The following NPL variants were observed in gnomAD, a reference collection of about 807,000 sequenced individuals.
NPL encodes N-acetylneuraminate lyase.
A neutral mutation model predicts 41.1 loss-of-function variants in NPL; 32 were observed. That is an observed-to-expected ratio of 0.78 (90% confidence interval 0.59 to 1.05). The LOEUF is 1.05. Among genes scored for constraint, NPL ranks in the 50% least tolerant of loss-of-function variants. The probability of loss-of-function intolerance (pLI) is 0.00; values close to 1 mark genes in which losing one functional copy is unlikely to be tolerated. For synonymous variants in NPL, 128 were observed against 134.9 expected, an observed-to-expected ratio of 0.95 and a Z score of 0.35; for missense variants, 321 against 378.4, an observed-to-expected ratio of 0.85 and a Z score of 1.26.
rs752401844 is a variant in NPL at position 182,818,823 on chromosome 1, GTGCTC to G, written c.620_624del (p.Ala207GlyfsTer13). The G allele has an allele frequency of 1.4e-5, 22 of 1,614,100 alleles. No individual in the cohort carries two copies. Among genetic ancestry groups the G allele is most frequent in the Non-Finnish European group, 1.9e-5 (22 of 1,179,996 alleles). ...TTTGTTTCTGATTAGCAACTGTTGA[GTGCTC>G]TGGTGATGGGAGCAACTGGAGCAGT... On this transcript the variant is annotated frameshift_variant, in exon 10 of 13. Coordinates refer to ENST00000367553, the MANE Select transcript of NPL (RefSeq NM_030769.3). LOFTEE classifies it high-confidence loss of function.
chr1:182,808,186 G>A lies in NPL; in HGVS notation c.230+1954G>A, dbSNP rs187793572. Among the ~76,000 whole-genome samples, 70 of 152,282 alleles carry A rather than the reference G, an allele frequency of 4.6e-4. 1 individual carries two copies. The highest frequency in any genetic ancestry group is 6.8e-3 in the Middle Eastern group (2 of 294). On this transcript the variant is annotated intron_variant, in intron 5 of 12. Transcript: ENST00000367553. The stretch of plus-strand genomic sequence containing the variant: ...ATCTCACTTATGAGGTTGTAGTGAG[G>A]ATTAGAAAAGTGCCTGGCAGGCACA...
At chr1:182,810,598 T>C (rs1487435102) in intron 5 of NPL, among the ~76,000 whole-genome samples, 1 of 152,160 alleles carries the variant, frequency 6.6e-6, no homozygotes, top group Non-Finnish European at 1.5e-5. Flanking sequence ...TCCCTAGACA[T>C]TTTTTAAAAT....
rs745649272 is a variant in NPL, at chr1:182,828,784, C to T, written c.839C>T (p.Pro280Leu). ...CTGGTCTCTGGGATTCCAATGGGCCCACCCCGGCTTCCACTGCAGAAAGCC... is the reference window on the plus strand; with the variant it reads ...CTGGTCTCTGGGATTCCAATGGGCCTACCCCGGCTTCCACTGCAGAAAGCC... Reference protein sequence around the residue: ...MTLVSGIPMGPPRLPLQKASR... With the variant: ...MTLVSGIPMGLPRLPLQKASR... Residue 280 changes from proline (P) to leucine (L), a missense_variant, in exon 13 of 13, where the codon CCA (proline) becomes CTA (leucine). Coordinates refer to ENST00000367553, the MANE Select transcript of NPL (RefSeq NM_030769.3). The surrounding 1 kb of genome is among the most constrained non-coding windows in gnomAD (Gnocchi z 4.0). 6.2e-7 allele frequency: 1 copy of T among 1,614,150 alleles called. No individual in the cohort carries two copies. The highest frequency in any genetic ancestry group is 1.1e-5 in the South Asian group (1 of 91,086).
Position 182,790,549 on chromosome 1 carries a change from T to C in NPL, c.-72+744T>C, listed in dbSNP as rs915114613. Among the ~76,000 whole-genome samples, 8 of 152,376 alleles carry C rather than the reference T, an allele frequency of 5.3e-5. 1 individual carries two copies. The highest frequency in any genetic ancestry group is 3.9e-4 in the Admixed American group (6 of 15,310). On this transcript the variant is annotated intron_variant, in intron 1 of 12. Coordinates refer to ENST00000367553, the MANE Select transcript of NPL (RefSeq NM_030769.3). ...TAATTATCTGTTATGCTTCAAAGCA[T>C]AACATTCCCAAGTTTATTAAAAACT...
intron 12 of NPL, among the ~76,000 whole-genome samples, chr1:182,827,439 T>C (rs926064428): frequency 5.3e-5 from 8 of 152,220 alleles, no homozygotes; most frequent in Admixed American, 2.6e-4. Flanking sequence ...TTTACTCAAA[T>C]CTCTCATTCT....
intron 8 of NPL, among the ~76,000 whole-genome samples, chr1:182,817,419 C>A (rs967604397): frequency 9.8e-5 from 15 of 152,350 alleles, no homozygotes; most frequent in African/African-American, 3.6e-4. Flanking sequence ...CAACGCAAAA[C>A]ATTTTACCTC....
intron 5 of NPL, 79 bp downstream of exon 5, chr1:182,806,311 T>C: frequency 6.3e-7 from 1 of 1,592,174 alleles, no homozygotes. Flanking sequence ...GGATACGCCC[T>C]CCCTGCTTCC....
In NPL at chr1:182,829,483, A is replaced by AC. The variant is rs1263759435; in HGVS notation, c.*576dup. Reference sequence around the variant, plus strand: ...TGTCACCACTTTTCGCTCTTTAAAAACACTGGGTCAGGTGAGGACTTGTTT... The same window carrying AC: ...TGTCACCACTTTTCGCTCTTTAAAAACCACTGGGTCAGGTGAGGACTTGTTT... On this transcript the variant is annotated 3_prime_UTR_variant, in exon 13 of 13. Transcript: ENST00000367553. 2 of 1,470,148 alleles carry AC rather than the reference A, an allele frequency of 1.4e-6. No individual in the cohort carries two copies. The highest frequency in any genetic ancestry group is 2.9e-5 in the African/African-American group (2 of 69,980). 91.1% of individuals were successfully genotyped at this position (1,470,148 alleles called of 1,614,324 possible).
Position 182,818,679 on chromosome 1 carries a change from G to A in NPL, c.596G>A (p.Gly199Glu), listed in dbSNP as rs1667404516. 2 of 1,614,142 alleles carry A rather than the reference G, an allele frequency of 1.2e-6. No individual in the cohort carries two copies. The highest frequency in any genetic ancestry group is 1.7e-6 in the Non-Finnish European group (2 of 1,180,028). The change falls in exon 9 of 13, where the codon GGG becomes GAG. Residue 199 changes from glycine to glutamate, a missense_variant. By Grantham distance (98) the Gly-to-Glu change is moderately conservative. Coordinates refer to ENST00000367553, the MANE Select transcript of NPL (RefSeq NM_030769.3). ...CAGCAACAGTTTGCTTTCCTTTTTG[G>A]GGTGGATGAGGTAAGTCACCCCCTA... is the stretch of plus-strand genomic sequence containing the variant. ...NRQQQFAFLF[G>E]VDEQLLSALV...
chr1:182,826,282 A>G (rs2102571139), intron 12 of NPL: 1 of 175,066 alleles, frequency 5.7e-6, no homozygotes, highest in South Asian at 1.4e-4. Flanking sequence ...ATAATATGAC[A>G]AAGTAAAATT....
At position 182,794,363 on chromosome 1, in the gene NPL, A is replaced by T; in HGVS notation, c.-9A>T. ...ACATTGTATGTTTTCCAGACCTACC[A>T]GCAGCTCAATGGCCTTCCCAAAGAA... On this transcript the variant is annotated 5_prime_UTR_variant, in exon 3 of 13. Coordinates refer to ENST00000367553, the MANE Select transcript of NPL (RefSeq NM_030769.3). The T allele has an allele frequency of 6.2e-7, 1 of 1,613,974 alleles. No individual in the cohort carries two copies. Among genetic ancestry groups the T allele is most frequent in the Non-Finnish European group, 8.5e-7 (1 of 1,179,790 alleles).
intron 8 of NPL, among the ~76,000 whole-genome samples, chr1:182,817,935 GGC>G (rs953140236): frequency 1.8e-4 from 27 of 152,032 alleles, no homozygotes; most frequent in African/African-American, 6.5e-4. Flanking sequence ...GTACCTCATT[GGC>G]CATGGGTGAT....
intron 3 of NPL, among the ~76,000 whole-genome samples, chr1:182,798,216 G>A (rs1666730476): frequency 6.7e-6 from 1 of 149,476 alleles, no homozygotes; most frequent in Non-Finnish European, 1.5e-5. Flanking sequence ...ACACTAGTAA[G>A]TCTAATGAAA....
intron 5 of NPL, 154 bp downstream of exon 5, chr1:182,806,386 T>G: frequency 6.5e-7 from 1 of 1,545,154 alleles, no homozygotes; most frequent in Non-Finnish European, 8.7e-7. Flanking sequence ...GATCCTGGCT[T>G]CTTGGAGAAG....
intron 4 of NPL, among the ~76,000 whole-genome samples, chr1:182,804,481 T>C (rs1012282512): frequency 6.6e-6 from 1 of 152,184 alleles, no homozygotes; most frequent in African/African-American, 2.4e-5. Context: ...CCTTTCAAAT[T>C]GTGAATGGAA....
At position 182,818,878 on chromosome 1, in the gene NPL, TC is replaced by T. The variant is rs770321209; in HGVS notation, c.653+22del. 2 of 1,612,402 alleles carry T rather than the reference TC, an allele frequency of 1.2e-6. No individual in the cohort carries two copies. Among genetic ancestry groups the T allele is most frequent in the African/African-American group, 2.7e-5 (2 of 75,000 alleles). ...TGGGCAGGTAAGCATGACTCATTTT[TC>T]CCAGTGGTTATAAAGTCCCCCATAA... On this transcript the variant is annotated intron_variant, in intron 10 of 12. Coordinates refer to ENST00000367553, the MANE Select transcript of NPL (RefSeq NM_030769.3).
Position 182,829,912 on chromosome 1 carries a change from C to T in NPL, c.*1004C>T. On this transcript the variant is annotated 3_prime_UTR_variant, in exon 13 of 13. Coordinates refer to ENST00000367553, the MANE Select transcript of NPL (RefSeq NM_030769.3). ...AACAACTGTTTAATCTCCCTTCTAA[C>T]AAACCTTGATATAAGCTTTCTGATA... The T allele has an allele frequency of 2.6e-6, 1 of 383,100 alleles. No homozygotes were observed. Among genetic ancestry groups the T allele is most frequent in the East Asian group, 4.0e-5 (1 of 24,706 alleles). 23.7% of individuals were successfully genotyped at this position (383,100 alleles called of 1,614,324 possible).
In NPL at chr1:182,828,446, C is replaced by A. The variant is rs923044099; in HGVS notation, c.779-278C>A. On this transcript the variant is annotated intron_variant, in intron 12 of 12. Transcript: ENST00000367553. The surrounding 1 kb of genome is among the most constrained non-coding windows in gnomAD (Gnocchi z 4.0). The stretch of plus-strand genomic sequence containing the variant: ...CCTTCTGACCTCTTTATTCCTGACA[C>A]CTTTGGCTTCTCCTTCTTGGGTTTA... Among the ~76,000 whole-genome samples, 5 of 152,146 alleles carry A rather than the reference C, an allele frequency of 3.3e-5. No homozygotes were observed. Among genetic ancestry groups the A allele is most frequent in the Admixed American group, 3.3e-4 (5 of 15,272 alleles).
At chr1:182,825,110 G>A (rs1667596776) in intron 11 of NPL, among the ~76,000 whole-genome samples, 1 of 152,184 alleles carries the variant, frequency 6.6e-6, no homozygotes, top group Admixed American at 6.5e-5. Flanking sequence ...GGAAATCATT[G>A]AAAAACCTCT....
Sources: allele counts gnomAD v4.1 joint callset (sites outside exome capture counted in the v4.1 genomes callset), GRCh38; gene constraint gnomAD v4.1.1; non-coding constraint Gnocchi (gnomAD v3.1); transcripts MANE v1.5; gene names NCBI Gene and HGNC (gene_info 2026-07-23, HGNC 2026-07-21).